ZAN: variants seen among roughly 807,000 people sequenced by gnomAD.
ZAN encodes zonadhesin (gene/pseudogene).
In ZAN, 260 loss-of-function variants were observed where a neutral mutation model predicts 286.2. The observed-to-expected ratio is 0.91, with a 90% CI of 0.82 to 1.01. The LOEUF (loss-of-function observed/expected upper bound fraction) is 1.01. Ranked by LOEUF, ZAN falls within the 50% of genes least tolerant of loss-of-function variation. The pLI, the probability that ZAN is intolerant of heterozygous loss-of-function variation, is 0.00. For synonymous variants in ZAN, 1,368 were observed against 1,417.5 expected, an observed-to-expected ratio of 0.97 and a Z score of 0.79; for missense variants, 3,410 against 3,639.2, an observed-to-expected ratio of 0.94 and a Z score of 1.62.
chr7:100,763,916 A>C lies in ZAN; in HGVS notation c.4097A>C (p.Glu1366Ala), dbSNP rs1301974029. Residue 1366 changes from glutamate (E) to alanine (A), a missense_variant and splice_region_variant, in exon 21 of 48, where the codon GAG (glutamate) becomes GCG (alanine). Physicochemically the swap from Glu to Ala is moderately radical, Grantham distance 107. This residue lies in a region of ZAN where 1,042 missense variants were observed against 1,058.0 expected (regional missense o/e 0.98). Coordinates refer to ENST00000613979, the MANE Select transcript of ZAN (RefSeq NM_003386.3). This position sits in a 1 kb window ranked among gnomAD's most constrained non-coding sequence, Gnocchi z 4.6. ...GRLVDTHGPF[E>A]TCLLHVKAAS... ...CTGGTCGACACTCATGGCCCATTTG[A>C]GTATGAAGGAGGGCAGGCAGGGTCG... 6.2e-7 allele frequency: 1 copy of C among 1,613,786 alleles called. No individual in the cohort carries two copies. Among genetic ancestry groups the C allele is most frequent in the Admixed American group, 1.7e-5 (1 of 60,000 alleles).
In ZAN at chr7:100,765,362, C is replaced by G. The variant is rs770183834; in HGVS notation, c.4278C>G (p.Cys1426Trp). 6.2e-7 allele frequency: 1 copy of G among 1,613,768 alleles called. No individual in the cohort carries two copies. Among genetic ancestry groups the G allele is most frequent in the Non-Finnish European group, 8.5e-7 (1 of 1,179,836 alleles). Residue 1426 changes from cysteine (C) to tryptophan (W), a missense_variant, in exon 23 of 48, where the codon TGC becomes TGG. By Grantham distance (215) the Cys-to-Trp change is radical. Coordinates refer to ENST00000613979, the MANE Select transcript of ZAN (RefSeq NM_003386.3). The part of the protein sequence containing the change: ...WREPHFCPMA[C>W]PPNSKYSLCA... ...TTCTCCCTCCACCAGCAATGGCCTG[C>G]CCGCCCAACAGCAAGTACTCCCTGT...
At chr7:100,788,750 G>T (rs1274091191) in intron 38 of ZAN, among the ~76,000 whole-genome samples, 1 of 152,100 alleles carries the variant, frequency 6.6e-6, no homozygotes. Flanking sequence ...CCAGGCTGGA[G>T]TGCAGTGGCA....
intron 38 of ZAN, 68 bp from the exon 39 acceptor site, chr7:100,789,150 C>T: frequency 6.4e-7 from 1 of 1,559,208 alleles, no homozygotes; most frequent in Admixed American, 1.9e-5. Flanking sequence ...AAAGTGAAGC[C>T]CAGCCAGGAA....
chr7:100,764,338 T>A, intron 22 of ZAN, 142 bp downstream of exon 22: 1 of 1,038,464 alleles, frequency 9.6e-7, no homozygotes, highest in Non-Finnish European at 1.3e-6. Context: ...CTACTAAACA[T>A]ACCAAAATTA....
intron 41 of ZAN, 22 bp downstream of exon 41, chr7:100,792,170 TG>T: frequency 6.3e-7 from 1 of 1,581,800 alleles, no homozygotes; most frequent in Non-Finnish European, 8.6e-7. Flanking sequence ...GCCCAGGACT[TG>T]TGGGAATGGC....
chr7:100,797,385 C>T lies in ZAN; in HGVS notation c.8286C>T (p.Val2762=), dbSNP rs546935290. ...PRKPASNLVG[V]LLGLLVPVVV... ...CAGAAGCATCTAACCTGGTGGGCGT[C>T]CTACTGGGACTGCTGGTGCCTGTGG... Residue 2762 remains valine (V), a synonymous_variant, in exon 46 of 48, where the codon GTC becomes GTT. Transcript: ENST00000613979. 1.3e-5 allele frequency: 21 copies of T among 1,613,810 alleles called. No homozygotes were observed. The South Asian group carries it at 2.1e-4, about 16-fold the overall frequency.
rs750769010 is a variant in ZAN, at chr7:100,762,325, A to G, written c.3953A>G (p.Asn1318Ser). The G allele has an allele frequency of 2.9e-5, 46 of 1,613,196 alleles. No individual in the cohort carries two copies. The highest frequency in any genetic ancestry group is 5.0e-5 in the Admixed American group (3 of 59,942). The change falls in exon 20 of 48, where the codon AAC (asparagine) becomes AGC (serine). Residue 1318 changes from asparagine to serine, a missense_variant. Around this residue, in one of 7 missense-constraint regions of ZAN, gnomAD observed 1,042 missense variants for 1,058.0 expected, o/e 0.98. Transcript: ENST00000613979. ...SPAGDKEELGNSWQTDQDEDQ... is the reference protein window; with the variant it reads ...SPAGDKEELGSSWQTDQDEDQ... ...GCAGGAGACAAGGAGGAGCTGGGGA[A>G]CAGCTGGCAGACGGACCAGGACGAG...
rs774827878 is a variant in ZAN, at chr7:100,786,156, C to T, written c.6979+15C>T. The stretch of plus-strand genomic sequence containing the variant: ...TGTCTCAGACAGTAAGGGGAGCGAC[C>T]GGGGAGGTTGGAGAGGGGAGCACCT... On this transcript the variant is annotated intron_variant, in intron 37 of 47. Coordinates refer to ENST00000613979, the MANE Select transcript of ZAN (RefSeq NM_003386.3). The T allele has an allele frequency of 9.9e-6, 16 of 1,613,270 alleles. No homozygotes were observed. The highest frequency in any genetic ancestry group is 2.2e-5 in the East Asian group (1 of 44,874).
rs1387696881 is a variant in ZAN at position 100,759,733 on chromosome 7, G to C, written c.3584G>C (p.Arg1195Thr). 2 of 1,589,012 alleles carry C rather than the reference G, an allele frequency of 1.3e-6. No individual in the cohort carries two copies. Among genetic ancestry groups the C allele is most frequent in the Non-Finnish European group, 1.7e-6 (2 of 1,167,830 alleles). The change falls in exon 18 of 48, where the codon AGG becomes ACG. Residue 1195 changes from arginine (R) to threonine (T), a missense_variant. Arg to Thr is a moderately conservative substitution (Grantham distance 71, BLOSUM62 -1). Coordinates refer to ENST00000613979, the MANE Select transcript of ZAN (RefSeq NM_003386.3). ...TCTCCCTACCCAGACCCATTCTTCA[G>C]GGTGACAGCCAAGAATGAGGAGCAG... ...PCGNSTDPFFRVTAKNEEQGQ... is the reference protein window; with the variant it reads ...PCGNSTDPFFTVTAKNEEQGQ...
intron 37 of ZAN, among the ~76,000 whole-genome samples, chr7:100,787,327 G>A (rs898767133): frequency 2.9e-4 from 43 of 150,782 alleles, no homozygotes; most frequent in African/African-American, 1.0e-3. Flanking sequence ...TACTCAGGAG[G>A]ATCACTCGAG....
In ZAN at chr7:100,779,692, G is replaced by A. The variant is rs745546075; in HGVS notation, c.6564G>A (p.Gly2188=). The A allele has an allele frequency of 6.4e-6, 10 of 1,561,578 alleles. No homozygotes were observed. The East Asian group carries it at 2.4e-4, about 38-fold the overall frequency. ...TCTGCCAGGCTCTGCAAGCCTTCGG[G>A]GCCACCTGCCAGAGCCAGGGGCTCA... The part of the protein sequence containing the change: ...QALCQALQAF[G]ATCQSQGLKP... Residue 2188 remains glycine (G), a synonymous_variant, in exon 35 of 48, where the codon GGG becomes GGA. Transcript: ENST00000613979.
intron 16 of ZAN, 46 bp from the exon 17 acceptor site, chr7:100,758,485 G>A (rs78780353): frequency 0.025 from 38,935 of 1,554,602 alleles, 777 homozygotes; most frequent in African/African-American, 0.096. Context: ...GTCCAGCCTG[G>A]AGGAGCCACA....
At chr7:100,739,697 T>C (rs1314565873) in intron 7 of ZAN, among the ~76,000 whole-genome samples, 1 of 137,790 alleles carries the variant, frequency 7.3e-6, no homozygotes, top group Non-Finnish European at 1.6e-5. Context: ...TCGCCCTGTC[T>C]CCCAGGCTGG....
intron 27 of ZAN, 33 bp from the exon 28 acceptor site, chr7:100,769,847 T>A (rs1407888101): frequency 9.7e-6 from 15 of 1,545,788 alleles, no homozygotes; most frequent in African/African-American, 1.4e-5. Context: ...GCACCCAACC[T>A]GTAGCCCTCA....
At chr7:100,792,577 A>T (rs780999008) in intron 42 of ZAN, 98 bp downstream of exon 42, 1 of 1,561,090 alleles carries the variant, frequency 6.4e-7, no homozygotes, top group Non-Finnish European at 8.7e-7. Flanking sequence ...GCCGACCCTG[A>T]CCCCTCTGCC....
rs773884317 is a variant in ZAN, at chr7:100,754,992, G to A, written c.3125-234G>A. 7.2e-5 allele frequency among the ~76,000 whole-genome samples: 11 copies of A among 151,938 alleles called. No individual in the cohort carries two copies. The South Asian group carries it at 2.1e-3, about 29-fold the overall frequency. Reference sequence around the variant, plus strand: ...TTTTGTAGGGATGGGGTCTCACTACGTTGCACAGCCTGGTCTCAAACTCTT... The same window carrying A: ...TTTTGTAGGGATGGGGTCTCACTACATTGCACAGCCTGGTCTCAAACTCTT... On this transcript the variant is annotated intron_variant, in intron 14 of 47. Coordinates refer to ENST00000613979, the MANE Select transcript of ZAN (RefSeq NM_003386.3).
chr7:100,762,318 C>G lies in ZAN; in HGVS notation c.3946C>G (p.Leu1316Val), dbSNP rs752302295. 6.2e-7 allele frequency: 1 copy of G among 1,612,724 alleles called. No homozygotes were observed. The highest frequency in any genetic ancestry group is 1.1e-5 in the South Asian group (1 of 91,056). Reference protein sequence around the residue: ...DGSPAGDKEELGNSWQTDQDE... With the variant: ...DGSPAGDKEEVGNSWQTDQDE... Reference sequence around the variant, plus strand: ...CAGCCCAGCAGGAGACAAGGAGGAGCTGGGGAACAGCTGGCAGACGGACCA... The same window carrying G: ...CAGCCCAGCAGGAGACAAGGAGGAGGTGGGGAACAGCTGGCAGACGGACCA... The change falls in exon 20 of 48, where the codon CTG (leucine) becomes GTG (valine). Residue 1316 changes from leucine (L) to valine (V), a missense_variant. Coordinates refer to ENST00000613979, the MANE Select transcript of ZAN (RefSeq NM_003386.3).
chr7:100,790,430 C>T (rs966518094), intron 39 of ZAN, among the ~76,000 whole-genome samples: 3 of 150,980 alleles, frequency 2.0e-5, no homozygotes, highest in East Asian at 2.0e-4. Context: ...GGTGTGTTGG[C>T]GGGCACCTAT....
chr7:100,795,094 C>T lies in ZAN; in HGVS notation c.8126-102C>T. 4 of 1,432,608 alleles carry T rather than the reference C, an allele frequency of 2.8e-6. No homozygotes were observed. In the South Asian group the frequency reaches 5.5e-5, roughly 20 times the overall value. The allele number at this position is 1,432,608 out of a possible 1,614,324, so 88.7% of individuals were successfully genotyped here. On this transcript the variant is annotated intron_variant, in intron 44 of 47. Transcript: ENST00000613979. ...CTGACCCCTGGCCAGTCTCTGGCAGCCGCTGCTTTCTCCCCGGGCGTCCCA... is the reference window on the plus strand; with the variant it reads ...CTGACCCCTGGCCAGTCTCTGGCAGTCGCTGCTTTCTCCCCGGGCGTCCCA...
Sources: allele counts gnomAD v4.1 joint callset (sites outside exome capture counted in the v4.1 genomes callset), GRCh38; gene constraint gnomAD v4.1.1; regional missense constraint gnomAD v4.1.1; non-coding constraint Gnocchi (gnomAD v3.1); transcripts MANE v1.5; gene names NCBI Gene and HGNC (gene_info 2026-07-23, HGNC 2026-07-21).